Variants in CCDC102A observed in about 807,000 individuals in gnomAD.
The protein encoded by CCDC102A is coiled-coil domain-containing protein 102A.
A neutral mutation model predicts 55.5 loss-of-function variants in CCDC102A; 40 were observed. That is an observed-to-expected ratio of 0.72 (90% CI 0.56 to 0.94). CCDC102A has a LOEUF of 0.94. Among genes scored for constraint, CCDC102A ranks in the 40% least tolerant of loss-of-function variants. The probability of loss-of-function intolerance (pLI) is 0.00; values close to 1 mark genes in which losing one functional copy is unlikely to be tolerated. For missense variants in CCDC102A, 779 were observed against 768.6 expected, an observed-to-expected ratio of 1.01 and a Z score of -0.16; for synonymous variants, 323 against 339.0, an observed-to-expected ratio of 0.95 and a Z score of 0.52.
intron 4 of CCDC102A, 150 bp from the exon 5 acceptor site, chr16:57,518,891 G>A (rs1195428488): frequency 1.6e-5 from 10 of 627,458 alleles, no homozygotes; most frequent in East Asian, 8.3e-5. Flanking sequence ...AACAGACCTC[G>A]AATCTGACCA....
rs2031876205 is a variant in CCDC102A, at chr16:57,512,302, G to T, written c.*439C>A. The T allele has an allele frequency of 1.0e-5, 4 of 397,924 alleles. No individual in the cohort carries two copies. The highest frequency in any genetic ancestry group is 6.2e-4 in the Middle Eastern group (1 of 1,606). The allele number at this position is 397,924 out of a possible 1,614,324, so 24.6% of individuals were successfully genotyped here. On this transcript the variant is annotated 3_prime_UTR_variant, in exon 9 of 9. Transcript: ENST00000258214. ...TCTGCCATACTTTCAGATGCCCCAA[G>T]AACTTGAACTTCATTTATTACAAAT...
intron 3 of CCDC102A, among the ~76,000 whole-genome samples, 162 bp downstream of exon 3, chr16:57,525,739 A>G (rs1284111081): frequency 6.6e-6 from 1 of 152,244 alleles, no homozygotes; most frequent in Non-Finnish European, 1.5e-5. Flanking sequence ...GAATAAATAA[A>G]AACTTGCACT....
intron 1 of CCDC102A, among the ~76,000 whole-genome samples, chr16:57,534,639 C>G (rs1598083179): frequency 6.6e-6 from 1 of 152,178 alleles, no homozygotes; most frequent in Non-Finnish European, 1.5e-5. Context: ...CAGGGCCCAG[C>G]ATACAGCAGA....
Position 57,528,605 on chromosome 16 carries a change from C to A in CCDC102A, c.573G>T (p.Pro191=), listed in dbSNP as rs537637407. The part of the protein sequence containing the change: ...EPVRDVGSER[P]PGSQELELVE... ...CCGCGCCGCGCACCTGGCTGCCTGG[C>A]GGCCTCTCGGACCCGACGTCACGCA... The change falls in exon 2 of 9, where the codon CCG becomes CCT. Residue 191 remains proline, a synonymous_variant. Transcript: ENST00000258214. 66 of 1,267,464 alleles carry A rather than the reference C, an allele frequency of 5.2e-5. No homozygotes were observed. The highest frequency in any genetic ancestry group is 4.5e-4 in the Middle Eastern group (2 of 4,452). 78.5% of individuals were successfully genotyped at this position (1,267,464 alleles called of 1,614,324 possible). A position where few individuals can be genotyped will look rare whatever the true frequency, so the allele number is the denominator to read the frequency against.
At chr16:57,520,266 G>T (rs916594994) in intron 4 of CCDC102A, among the ~76,000 whole-genome samples, 2 of 152,104 alleles carry the variant, frequency 1.3e-5, no homozygotes, top group Non-Finnish European at 2.9e-5. Context: ...CCTGCCTCAG[G>T]ACCTTTGCAC....
At chr16:57,517,226 A>C (rs1189770539) in intron 6 of CCDC102A, among the ~76,000 whole-genome samples, 1 of 151,884 alleles carries the variant, frequency 6.6e-6, no homozygotes, top group Non-Finnish European at 1.5e-5. Flanking sequence ...TGTTCCTCCA[A>C]AGCTCTGTGT....
intron 3 of CCDC102A, among the ~76,000 whole-genome samples, chr16:57,524,871 A>C (rs924495401): frequency 7.9e-5 from 12 of 152,204 alleles, no homozygotes; most frequent in Admixed American, 4.6e-4. Flanking sequence ...CCAATGGTCC[A>C]GGGCTCAGCC....
chr16:57,536,778 GCGGGCCGTACCCCAACGGAGGCCCCA>G (rs2032403940), upstream of CCDC102A, among the ~76,000 whole-genome samples: 1 of 152,106 alleles, frequency 6.6e-6, no homozygotes, highest in South Asian at 2.1e-4. Flanking sequence ...CTGCTGCAGA[GCGGGCCGTACCCCAACGGAGGCCCCA>G]CCCCCGTGAG....
Position 57,525,612 on chromosome 16 carries a change from C to A in CCDC102A, c.812+289G>T, listed in dbSNP as rs530844189. 1.4e-4 allele frequency among the ~76,000 whole-genome samples: 21 copies of A among 152,274 alleles called. No individual in the cohort carries two copies. The East Asian group carries it at 4.1e-3, about 29-fold the overall frequency. On this transcript the variant is annotated intron_variant, in intron 3 of 8. Transcript: ENST00000258214. The stretch of plus-strand genomic sequence containing the variant: ...TTTACCCTGCCCACAGCCCTCTCCC[C>A]CAACTAGAAAGTACGTTTCAGGAAG...
intron 1 of CCDC102A, among the ~76,000 whole-genome samples, chr16:57,536,233 G>C (rs1363040130): frequency 6.8e-6 from 1 of 146,792 alleles, no homozygotes; most frequent in Non-Finnish European, 1.5e-5. Context: ...GGCCCGGGCC[G>C]CGGCATTCCG....
intron 5 of CCDC102A, 123 bp from the exon 6 acceptor site, chr16:57,518,400 C>T (rs1468199456): frequency 3.2e-6 from 3 of 938,638 alleles, no homozygotes; most frequent in Non-Finnish European, 4.8e-6. Context: ...GCTGCATTGG[C>T]TGTAATTAAG....
chr16:57,534,690 CTCT>C (rs2032338607), intron 1 of CCDC102A, among the ~76,000 whole-genome samples: 1 of 152,108 alleles, frequency 6.6e-6, no homozygotes, highest in African/African-American at 2.4e-5. Flanking sequence ...GGTGGTACCA[CTCT>C]TAGGGGTACC....
intron 4 of CCDC102A, among the ~76,000 whole-genome samples, chr16:57,519,215 C>T (rs575118113): frequency 3.3e-5 from 5 of 152,350 alleles, no homozygotes; most frequent in African/African-American, 9.6e-5. Context: ...CAAGTTCCTG[C>T]CCACCACAGG....
intron 2 of CCDC102A, among the ~76,000 whole-genome samples, chr16:57,527,489 G>A (rs1043814051): frequency 1.4e-5 from 2 of 145,166 alleles, no homozygotes; most frequent in Non-Finnish European, 1.5e-5. Flanking sequence ...GTGTGATCTC[G>A]GCTCACTGCA....
chr16:57,536,944 T>A (rs2032407113), upstream of CCDC102A, among the ~76,000 whole-genome samples: 1 of 152,126 alleles, frequency 6.6e-6, no homozygotes, highest in Non-Finnish European at 1.5e-5. Flanking sequence ...GCTTACCAAG[T>A]CTTCACTGTT....
chr16:57,512,499 A>C lies in CCDC102A; in HGVS notation c.*242T>G. 2.3e-6 allele frequency: 1 copy of C among 436,840 alleles called. No homozygotes were observed. The highest frequency in any genetic ancestry group is 4.0e-6 in the Non-Finnish European group (1 of 250,390). The allele number at this position is 436,840 out of a possible 1,614,324, so 27.1% of individuals were successfully genotyped here. A position where few individuals can be genotyped will look rare whatever the true frequency, so the allele number is the denominator to read the frequency against. On this transcript the variant is annotated 3_prime_UTR_variant, in exon 9 of 9. Transcript: ENST00000258214. ...GTATTTATAAAACCAAATGGGTCCAAAGACTTCTGGGTGTGCGCGCGCGCG... is the reference window on the plus strand; with the variant it reads ...GTATTTATAAAACCAAATGGGTCCACAGACTTCTGGGTGTGCGCGCGCGCG...
At chr16:57,530,804 G>A (rs1184781789) in intron 1 of CCDC102A, among the ~76,000 whole-genome samples, 1 of 151,818 alleles carries the variant, frequency 6.6e-6, no homozygotes, top group Admixed American at 6.6e-5. Context: ...TCCCTTTTAA[G>A]GTCCTTCCAA....
At chr16:57,535,117 G>A (rs1234302885) in intron 1 of CCDC102A, among the ~76,000 whole-genome samples, 1 of 152,220 alleles carries the variant, frequency 6.6e-6, no homozygotes, top group Non-Finnish European at 1.5e-5. Flanking sequence ...AGAGCCCAGT[G>A]GGAAACCACA....
At chr16:57,520,592 A>G (rs2032030454) in intron 4 of CCDC102A, among the ~76,000 whole-genome samples, 1 of 118,864 alleles carries the variant, frequency 8.4e-6, no homozygotes, top group Non-Finnish European at 1.7e-5. Context: ...ATAACATAAC[A>G]TAAATAAAAT....
Sources: allele counts gnomAD v4.1 joint callset (sites outside exome capture counted in the v4.1 genomes callset), GRCh38; gene constraint gnomAD v4.1.1; transcripts MANE v1.5; gene names NCBI Gene and HGNC (gene_info 2026-07-23, HGNC 2026-07-21).